ATP13A4: variants seen among roughly 807,000 people sequenced by gnomAD.
ATP13A4 encodes ATPase 13A4, also known as probable cation-transporting ATPase 13A4.
Under a neutral mutation model 142.5 loss-of-function variants are expected in ATP13A4, and 114 were observed. The observed-to-expected ratio is 0.80, with a 90% CI of 0.69 to 0.93. The LOEUF (loss-of-function observed/expected upper bound fraction) is 0.93. ATP13A4 is among the 40% of genes least tolerant of loss of function. ATP13A4 has a pLI of 0.00. For missense variants in ATP13A4, 1,392 were observed against 1,454.0 expected (o/e 0.96, Z 0.69); for synonymous variants, 488 against 514.8 (o/e 0.95, Z 0.70).
chr3:193,512,232 T>C (rs1483906345), intron 2 of ATP13A4, among the ~76,000 whole-genome samples: 6 of 152,166 alleles, frequency 3.9e-5, no homozygotes, highest in Non-Finnish European at 7.3e-5. Context: ...AAAATAATAA[T>C]CTGATAGATT....
At chr3:193,521,642 TG>T in intron 1 of ATP13A4, among the ~76,000 whole-genome samples, 1 of 152,230 alleles carries the variant, frequency 6.6e-6, no homozygotes, top group South Asian at 2.1e-4. Flanking sequence ...CCTTAAAAAC[TG>T]CACCTCCAGC....
At chr3:193,484,646 G>A (rs1251037742) in intron 7 of ATP13A4, among the ~76,000 whole-genome samples, 1 of 152,122 alleles carries the variant, frequency 6.6e-6, no homozygotes, top group Non-Finnish European at 1.5e-5. Flanking sequence ...TTCTAAAAAT[G>A]ATTAACAGAA....
chr3:193,418,422 T>G (rs1402167591), intron 25 of ATP13A4, among the ~76,000 whole-genome samples: 2 of 149,620 alleles, frequency 1.3e-5, no homozygotes, highest in African/African-American at 4.9e-5. Flanking sequence ...CAACACTATA[T>G]TTTGATGAAA....
rs141049733 is a variant in ATP13A4 at position 193,488,644 on chromosome 3, C to A, written c.738+1086G>T. On this transcript the variant is annotated intron_variant, in intron 7 of 29. Transcript: ENST00000342695. ...GGAGTCATGAGGGAGGAAGACATGT[C>A]GGCATGAGTGAAAAGTAAGAGGAAG... is the stretch of plus-strand genomic sequence containing the variant. Among the ~76,000 whole-genome samples the A allele has an allele frequency of 6.6e-4, 101 of 152,130 alleles. 1 individual carries two copies. The highest frequency in any genetic ancestry group is 2.3e-3 in the African/African-American group (94 of 41,482).
chr3:193,519,789 C>A (rs1004214597), intron 1 of ATP13A4, among the ~76,000 whole-genome samples: 2 of 151,520 alleles, frequency 1.3e-5, no homozygotes, highest in African/African-American at 2.4e-5. Flanking sequence ...GGATTACAGG[C>A]GCCCGTCACT....
chr3:193,554,990 G>A (rs1029744780), upstream of ATP13A4: 6 of 1,436,750 alleles, frequency 4.2e-6, no homozygotes, highest in Admixed American at 4.1e-5. Flanking sequence ...CTCCTCCCAC[G>A]AGTCGCCCTC....
intron 8 of ATP13A4, among the ~76,000 whole-genome samples, chr3:193,477,343 G>T (rs1018361050): frequency 6.6e-6 from 1 of 151,944 alleles, no homozygotes; most frequent in African/African-American, 2.4e-5. Flanking sequence ...TAGAACAGAT[G>T]AAAAAAGATT....
chr3:193,412,261 C>A lies in ATP13A4; in HGVS notation c.3125G>T (p.Trp1042Leu), dbSNP rs1237360516. The A allele has an allele frequency of 1.2e-6, 2 of 1,613,298 alleles. No homozygotes were observed. Among genetic ancestry groups the A allele is most frequent in the Non-Finnish European group, 8.5e-7 (1 of 1,179,440 alleles). The stretch of plus-strand genomic sequence containing the variant: ...GATACAGTTGATTGTTCCCAAGAAC[C>A]AGACTGTAGTGTTCTCAAAACTTGT... ...TFTSFENTTV[W>L]FLGTINCITV... Residue 1042 changes from tryptophan (W) to leucine (L), a missense_variant, in exon 27 of 30, where the codon TGG becomes TTG. Trp to Leu is a moderately conservative substitution (Grantham distance 61). Transcript: ENST00000342695.
rs778886766 is a variant in ATP13A4, at chr3:193,470,983, T to C, written c.819A>G (p.Gln273=). Residue 273 remains glutamine (Q), a synonymous_variant, in exon 9 of 30, where the codon CAA becomes CAG. Coordinates refer to ENST00000342695, the MANE Select transcript of ATP13A4 (RefSeq NM_032279.4). The part of the protein sequence containing the change: ...VSVCGRKAGV[Q]ELESRVLVPG... ...GCACCAGGACGCGTGATTCCAGCTC[T>C]TGAACTCCAGCTGAAAGTGGGAGGA... 3 of 1,614,026 alleles carry C rather than the reference T, an allele frequency of 1.9e-6. No homozygotes were observed. The highest frequency in any genetic ancestry group is 2.5e-6 in the Non-Finnish European group (3 of 1,180,010).
At chr3:193,471,979 G>A (rs1429638733) in intron 8 of ATP13A4, among the ~76,000 whole-genome samples, 1 of 152,118 alleles carries the variant, frequency 6.6e-6, no homozygotes, top group East Asian at 1.9e-4. Flanking sequence ...GGACAGAAGG[G>A]CCCCCATGGT....
rs116166783 is a variant in ATP13A4, at chr3:193,536,951, T to C, written c.60+17789A>G. Reference sequence around the variant, plus strand: ...AACTATAAAAGGCTTATGAGAAAAATGAAGGAAGATCTAAGCAAACAGAGA... The same window carrying C: ...AACTATAAAAGGCTTATGAGAAAAACGAAGGAAGATCTAAGCAAACAGAGA... On this transcript the variant is annotated intron_variant, in intron 1 of 29. Coordinates refer to ENST00000342695, the MANE Select transcript of ATP13A4 (RefSeq NM_032279.4). Among the ~76,000 whole-genome samples, 370 of 151,838 alleles carry C rather than the reference T, an allele frequency of 2.4e-3. 3 individuals are homozygous for C. Among genetic ancestry groups the C allele is most frequent in the African/African-American group, 8.7e-3 (361 of 41,434 alleles).
At chr3:193,426,903 T>C (rs960529063) in intron 25 of ATP13A4, among the ~76,000 whole-genome samples, 10 of 151,934 alleles carry the variant, frequency 6.6e-5, no homozygotes, top group African/African-American at 2.4e-4. Flanking sequence ...AGAAGAAACT[T>C]AGGGAGAAAT....
chr3:193,488,548 A>G (rs746302498), intron 7 of ATP13A4, among the ~76,000 whole-genome samples: 1 of 152,200 alleles, frequency 6.6e-6, no homozygotes, highest in Non-Finnish European at 1.5e-5. Flanking sequence ...TTTTAAAAGA[A>G]CTTTTTAAAT....
In ATP13A4 at chr3:193,433,005, C is replaced by T. The variant is rs62285711; in HGVS notation, c.2842+840G>A. ...TGATGTTATTATTAATTGTTTCTCACGAAATGCTTTCATTGAGTTTTGCCA... is the reference window on the plus strand; with the variant it reads ...TGATGTTATTATTAATTGTTTCTCATGAAATGCTTTCATTGAGTTTTGCCA... On this transcript the variant is annotated intron_variant, in intron 25 of 29. Transcript: ENST00000342695. Among the ~76,000 whole-genome samples, 1,237 of 152,216 alleles carry T rather than the reference C, an allele frequency of 8.1e-3. 13 individuals are homozygous for T. Among genetic ancestry groups the T allele is most frequent in the Non-Finnish European group, 0.015 (1,012 of 67,994 alleles).
At chr3:193,560,214 C>T (rs1018400020) in intron 2 of ATP13A4, among the ~76,000 whole-genome samples, 5 of 146,986 alleles carry the variant, frequency 3.4e-5, no homozygotes, top group African/African-American at 1.2e-4. Context: ...TTGCTACTCA[C>T]TTTTTTTTTT....
intron 28 of ATP13A4, 144 bp from the exon 29 acceptor site, chr3:193,407,537 TAAAA>T: frequency 1.8e-6 from 1 of 549,842 alleles, no homozygotes; most frequent in Non-Finnish European, 3.2e-6. Context: ...CTTATATATA[TAAAA>T]AATTTCTATG....
chr3:193,418,121 CAAAAAAAAAAAAAAAAAAAAAAAAAAAA>C (rs558796010), intron 25 of ATP13A4, among the ~76,000 whole-genome samples: 208 of 15,806 alleles, frequency 0.013, 8 homozygotes, highest in African/African-American at 0.053. Flanking sequence ...GACTCCGTCT[CAAAAAAAAAAAAAAAAAAAAAAAAAAAA>C]AAAAAAAAAA....
intron 2 of ATP13A4, among the ~76,000 whole-genome samples, chr3:193,573,053 G>A: frequency 7.3e-6 from 1 of 136,402 alleles, no homozygotes; most frequent in Non-Finnish European, 1.6e-5. Context: ...GGGTTGGGGG[G>A]AGGGGAGTAA....
intron 3 of ATP13A4, among the ~76,000 whole-genome samples, chr3:193,501,062 G>T (rs1387975308): frequency 6.6e-6 from 1 of 152,158 alleles, no homozygotes; most frequent in Non-Finnish European, 1.5e-5. Flanking sequence ...TCCATTTCAA[G>T]ACCTCTGCCC....
Sources: allele counts gnomAD v4.1 joint callset (sites outside exome capture counted in the v4.1 genomes callset), GRCh38; gene constraint gnomAD v4.1.1; transcripts MANE v1.5; gene names NCBI Gene and HGNC (gene_info 2026-07-23, HGNC 2026-07-21).